Variants in NELL1 observed in about 807,000 individuals in gnomAD.
NELL1 encodes neural EGFL like 1, also known as protein kinase C-binding protein NELL1.
NELL1 carries 76 observed loss-of-function variants against 107.4 expected under a neutral mutation model. The ratio of observed to expected loss-of-function variants is 0.71; its 90% CI spans 0.59 to 0.86. The LOEUF (loss-of-function observed/expected upper bound fraction) is 0.86, where lower values mean the gene tolerates loss of function less well. Among genes scored for constraint, NELL1 ranks in the 40% least tolerant of loss-of-function variants. The pLI is 0.00. For synonymous variants in NELL1, 353 were observed against 341.2 expected (o/e 1.03, Z -0.38); for missense variants, 1,024 against 1,005.5 (o/e 1.02, Z -0.25).
intron 14 of NELL1, among the ~76,000 whole-genome samples, chr11:21,275,595 A>C (rs1055141825): frequency 1.3e-5 from 2 of 152,088 alleles, no homozygotes; most frequent in East Asian, 1.9e-4. Context: ...GAGACACAAC[A>C]AAAAAAGAGA....
intron 1 of NELL1, chr11:20,674,448 C>A: frequency 6.7e-7 from 1 of 1,497,592 alleles, no homozygotes. Context: ...GTACCAGTAT[C>A]TTTTTACACA....
chr11:21,430,367 A>T (rs1227099616), intron 15 of NELL1, among the ~76,000 whole-genome samples: 1 of 152,184 alleles, frequency 6.6e-6, no homozygotes, highest in Non-Finnish European at 1.5e-5. Flanking sequence ...TACAATTTGT[A>T]GCATCTTCTG....
intron 12 of NELL1, among the ~76,000 whole-genome samples, chr11:21,037,932 G>A (rs1383490004): frequency 6.6e-6 from 1 of 152,164 alleles, no homozygotes; most frequent in Admixed American, 6.5e-5. Context: ...ATTGTGGACA[G>A]GTATTGGTAG....
chr11:21,032,651 G>T (rs4923283), intron 12 of NELL1, among the ~76,000 whole-genome samples: 1 of 152,094 alleles, frequency 6.6e-6, no homozygotes, highest in Non-Finnish European at 1.5e-5. Flanking sequence ...GCCTCTCAAA[G>T]TGCTTGGATA....
At chr11:21,302,994 G>C (rs1160863605) in intron 14 of NELL1, among the ~76,000 whole-genome samples, 1 of 151,870 alleles carries the variant, frequency 6.6e-6, no homozygotes, top group African/African-American at 2.4e-5. Context: ...CCTGGTATTT[G>C]AGAATAGAGC....
intron 5 of NELL1, among the ~76,000 whole-genome samples, chr11:20,895,251 G>A (rs1180920415): frequency 3.5e-5 from 3 of 86,458 alleles, no homozygotes; most frequent in Non-Finnish European, 4.1e-5. Context: ...CAGCCTGGGC[G>A]ACAGAGCGAG....
intron 15 of NELL1, among the ~76,000 whole-genome samples, chr11:21,497,801 A>T (rs1035139846): frequency 5.3e-5 from 8 of 152,044 alleles, no homozygotes; most frequent in African/African-American, 1.9e-4. Context: ...TTCTACTTGA[A>T]TTCATGAGTA....
intron 12 of NELL1, among the ~76,000 whole-genome samples, chr11:21,015,593 C>T (rs1183181726): frequency 2.6e-5 from 4 of 151,990 alleles, no homozygotes; most frequent in Non-Finnish European, 4.4e-5. Context: ...GGATCAATGC[C>T]ATTGTGGAAA....
chr11:21,141,353 C>T (rs1229229772), intron 13 of NELL1, among the ~76,000 whole-genome samples: 1 of 152,216 alleles, frequency 6.6e-6, no homozygotes, highest in Non-Finnish European at 1.5e-5. Context: ...TTTCTCTAAG[C>T]ATCTAGAGCT....
At chr11:21,376,415 T>C (rs1851480783) in intron 15 of NELL1, among the ~76,000 whole-genome samples, 1 of 152,158 alleles carries the variant, frequency 6.6e-6, no homozygotes, top group South Asian at 2.1e-4. Context: ...CTCTGTCTTT[T>C]TTTACAAGTA....
intron 14 of NELL1, among the ~76,000 whole-genome samples, chr11:21,362,011 G>C (rs1276434317): frequency 6.6e-6 from 1 of 152,088 alleles, no homozygotes; most frequent in African/African-American, 2.4e-5. Context: ...TCTGGGTTTG[G>C]CTCCATTGCT....
chr11:21,367,575 C>T (rs1170034722), intron 14 of NELL1, among the ~76,000 whole-genome samples: 5 of 152,056 alleles, frequency 3.3e-5, no homozygotes, highest in African/African-American at 1.2e-4. Context: ...CATAACTGTA[C>T]CGTTATCTGG....
At chr11:21,204,970 C>T (rs77349246) in intron 13 of NELL1, among the ~76,000 whole-genome samples, 8,991 of 152,172 alleles carry the variant, frequency 0.059, 266 homozygotes, top group East Asian at 0.14. Context: ...GCTGCGTGTT[C>T]CTTCCTCTGG....
intron 14 of NELL1, among the ~76,000 whole-genome samples, chr11:21,276,434 G>T (rs956167075): frequency 6.6e-6 from 1 of 152,174 alleles, no homozygotes; most frequent in Admixed American, 6.5e-5. Flanking sequence ...CATGCTCATT[G>T]GTAGGAAGAA....
rs564407119 is a variant in NELL1 at position 21,351,414 on chromosome 11, A to G, written c.1550-19439A>G. 2.4e-4 allele frequency among the ~76,000 whole-genome samples: 36 copies of G among 152,240 alleles called. No homozygotes were observed. In the South Asian group the frequency reaches 7.3e-3, roughly 31 times the overall value. The stretch of plus-strand genomic sequence containing the variant: ...TACAAGGCCTCCCAGTTCAGGGAAC[A>G]TTTCAGCTGAGATTTGCAGGTCAAG... On this transcript the variant is annotated intron_variant, in intron 14 of 19. Coordinates refer to ENST00000357134, the MANE Select transcript of NELL1 (RefSeq NM_006157.5).
At chr11:21,075,035 A>G (rs868810930) in intron 12 of NELL1, among the ~76,000 whole-genome samples, 1 of 152,188 alleles carries the variant, frequency 6.6e-6, no homozygotes, top group Admixed American at 6.6e-5. Flanking sequence ...CTAGATGGAT[A>G]GTGACACCTG....
intron 12 of NELL1, among the ~76,000 whole-genome samples, chr11:21,048,416 C>T (rs1041463155): frequency 1.3e-5 from 2 of 152,240 alleles, no homozygotes; most frequent in Admixed American, 6.5e-5. Context: ...GTGAAATCCT[C>T]ATTTGCATTC....
At chr11:21,070,638 C>T (rs1325603879) in intron 12 of NELL1, among the ~76,000 whole-genome samples, 1 of 152,140 alleles carries the variant, frequency 6.6e-6, no homozygotes, top group Non-Finnish European at 1.5e-5. Flanking sequence ...AATTTTGGCA[C>T]CTGCTATTTC....
At chr11:20,730,950 G>A (rs1855624951) in intron 2 of NELL1, among the ~76,000 whole-genome samples, 1 of 152,188 alleles carries the variant, frequency 6.6e-6, no homozygotes, top group Non-Finnish European at 1.5e-5. Context: ...AATTTTGACT[G>A]AGATTAGGGG....
Sources: allele counts gnomAD v4.1 joint callset (sites outside exome capture counted in the v4.1 genomes callset), GRCh38; gene constraint gnomAD v4.1.1; transcripts MANE v1.5; gene names NCBI Gene and HGNC (gene_info 2026-07-23, HGNC 2026-07-21).